ZNF518A: variants seen among roughly 807,000 people sequenced by gnomAD.
ZNF518A encodes the protein zinc finger protein 518A, also known as zinc finger protein 518.
Under a neutral mutation model 102.7 loss-of-function variants are expected in ZNF518A, and 47 were observed. That is an observed-to-expected ratio of 0.46 (90% CI 0.36 to 0.58). The LOEUF (loss-of-function observed/expected upper bound fraction) is 0.58. ZNF518A is among the 20% of genes least tolerant of loss of function. The pLI is 0.00. For missense variants in ZNF518A, 1,793 were observed against 1,699.8 expected (o/e 1.05, Z -0.96); for synonymous variants, 652 against 594.6 (o/e 1.10, Z -1.40).
intron 1 of ZNF518A, among the ~76,000 whole-genome samples, chr10:96,173,452 G>A: frequency 6.6e-6 from 1 of 151,946 alleles, no homozygotes; most frequent in Non-Finnish European, 1.5e-5. Context: ...CAGTCATTTT[G>A]GGCTGCCATA....
At chr10:96,175,056 G>A (rs782181397) in intron 1 of ZNF518A, among the ~76,000 whole-genome samples, 11 of 152,032 alleles carry the variant, frequency 7.2e-5, no homozygotes, top group Admixed American at 2.0e-4. Flanking sequence ...TATCCTGGCC[G>A]CCTGGTCTCA....
At chr10:96,183,214 T>TAATA (rs1368671592) in intron 1 of ZNF518A, among the ~76,000 whole-genome samples, 5 of 152,200 alleles carry the variant, frequency 3.3e-5, no homozygotes, top group African/African-American at 1.2e-4. Context: ...TTCTCTGTTC[T>TAATA]TTATTAGTCT....
In ZNF518A at chr10:96,160,269, G is replaced by A; in HGVS notation, c.3947G>A (p.Arg1316Lys). ...GTCCGTGAAACATTTGGATTTAGCA[G>A]ACCTAGGCTTTCAAAAGATTCCATC... ...EDVRETFGFS[R>K]PRLSKDSIRT... The change falls in exon 6 of 6, where the codon AGA becomes AAA. Residue 1316 changes from arginine (R) to lysine (K), a missense_variant. Transcript: ENST00000316045. 5.0e-6 allele frequency: 8 copies of A among 1,613,584 alleles called. No individual in the cohort carries two copies. The highest frequency in any genetic ancestry group is 6.8e-6 in the Non-Finnish European group (8 of 1,179,672).
chr10:96,201,070 C>G (rs782620239), intron 1 of ZNF518A: 1 of 1,608,402 alleles, frequency 6.2e-7, no homozygotes, highest in Non-Finnish European at 8.5e-7. Context: ...TGAAAGGGAT[C>G]AGAAAAGTCC....
chr10:96,177,492 G>T (rs1166771050), intron 1 of ZNF518A, among the ~76,000 whole-genome samples: 2 of 152,086 alleles, frequency 1.3e-5, no homozygotes, highest in Non-Finnish European at 2.9e-5. Context: ...ATCATTGAAA[G>T]CAAAAATAAT....
In ZNF518A at chr10:96,156,680, A is replaced by C; in HGVS notation, c.358A>C (p.Ser120Arg). The C allele has an allele frequency of 6.2e-7, 1 of 1,613,766 alleles. No homozygotes were observed. The highest frequency in any genetic ancestry group is 1.1e-5 in the South Asian group (1 of 91,078). The change falls in exon 6 of 6, where the codon AGC becomes CGC. Residue 120 changes from serine (S) to arginine (R), a missense_variant. This residue lies in a region of ZNF518A where 1,741 missense variants were observed against 1,622.6 expected (regional missense o/e 1.07). Coordinates refer to ENST00000316045, the MANE Select transcript of ZNF518A (RefSeq NM_001330736.2). Reference sequence around the variant, plus strand: ...AATGTCTGCAAAAATACTCAATTTCAGCTGTTTAAAATGCCGAGACAACAC... The same window carrying C: ...AATGTCTGCAAAAATACTCAATTTCCGCTGTTTAAAATGCCGAGACAACAC... ...VKMSAKILNF[S>R]CLKCRDNTRY...
chr10:96,185,312 C>G (rs1280529305), intron 1 of ZNF518A, among the ~76,000 whole-genome samples: 2 of 152,204 alleles, frequency 1.3e-5, no homozygotes, highest in African/African-American at 4.8e-5. Context: ...GTCAGTTCAT[C>G]AAAGTCATTC....
chr10:96,142,036 C>T (rs2133319474), intron 3 of ZNF518A, among the ~76,000 whole-genome samples: 1 of 152,278 alleles, frequency 6.6e-6, no homozygotes. Context: ...GCCACCATGC[C>T]CAGCCTACAT....
At position 96,159,168 on chromosome 10, in the gene ZNF518A, G is replaced by T. The variant is rs781925087; in HGVS notation, c.2846G>T (p.Gly949Val). The change falls in exon 6 of 6, where the codon GGG (glycine) becomes GTG (valine). Residue 949 changes from glycine to valine, a missense_variant. This residue lies in a region of ZNF518A where 1,741 missense variants were observed against 1,622.6 expected (regional missense o/e 1.07). Transcript: ENST00000316045. Reference protein sequence around the residue: ...LIPLNITNKPGLPVIPGNALP... With the variant: ...LIPLNITNKPVLPVIPGNALP... ...CCATTGAACATTACTAACAAGCCTG[G>T]GCTACCAGTTATTCCTGGAAATGCA... The T allele has an allele frequency of 1.1e-5, 18 of 1,613,642 alleles. No individual in the cohort carries two copies. The highest frequency in any genetic ancestry group is 1.5e-5 in the Non-Finnish European group (18 of 1,179,704).
intron 1 of ZNF518A, among the ~76,000 whole-genome samples, chr10:96,181,953 T>G (rs935386496): frequency 1.3e-5 from 2 of 152,234 alleles, no homozygotes; most frequent in African/African-American, 4.8e-5. Flanking sequence ...ATGATATTGA[T>G]TCTTCCTCTC....
At chr10:96,184,016 A>G (rs889880249) in intron 1 of ZNF518A, among the ~76,000 whole-genome samples, 1 of 152,180 alleles carries the variant, frequency 6.6e-6, no homozygotes. Flanking sequence ...GTGCATATAG[A>G]TTTAGGATAG....
intron 3 of ZNF518A, among the ~76,000 whole-genome samples, chr10:96,148,856 C>T (rs1347347922): frequency 6.6e-6 from 1 of 152,178 alleles, no homozygotes; most frequent in African/African-American, 2.4e-5. Flanking sequence ...GCTGGGACTA[C>T]AGGCGCCCAC....
chr10:96,173,909 T>C (rs1554891189), intron 1 of ZNF518A, among the ~76,000 whole-genome samples: 1 of 152,198 alleles, frequency 6.6e-6, no homozygotes, highest in East Asian at 1.9e-4. Context: ...ATACAAAGTG[T>C]GTTCTCCAAC....
intron 1 of ZNF518A, among the ~76,000 whole-genome samples, chr10:96,177,984 G>T (rs1166051493): frequency 6.6e-6 from 1 of 152,030 alleles, no homozygotes; most frequent in Admixed American, 6.6e-5. Context: ...AAGTAAAAGC[G>T]ACAGAACTAT....
At chr10:96,137,457 T>G (rs868991022) in intron 3 of ZNF518A, among the ~76,000 whole-genome samples, 6 of 152,216 alleles carry the variant, frequency 3.9e-5, no homozygotes, top group Admixed American at 6.5e-5. Context: ...CTTGTCAGCC[T>G]TTCTCCTCTA....
chr10:96,205,145 A>G (rs1404277037), downstream of ZNF518A: 2 of 161,012 alleles, frequency 1.2e-5, no homozygotes, highest in African/African-American at 4.8e-5. Context: ...TAATAATGTA[A>G]ATCTCACTTG....
At chr10:96,139,992 G>A (rs587757318) in intron 3 of ZNF518A, among the ~76,000 whole-genome samples, 19 of 152,166 alleles carry the variant, frequency 1.2e-4, no homozygotes, top group East Asian at 7.7e-4. Flanking sequence ...CTGAGTAGCC[G>A]GGATTACAGG....
intron 3 of ZNF518A, among the ~76,000 whole-genome samples, chr10:96,141,422 C>T (rs1330950902): frequency 1.3e-5 from 2 of 152,076 alleles, no homozygotes; most frequent in Non-Finnish European, 2.9e-5. Flanking sequence ...AGATGCCATG[C>T]CTGGTGACCG....
At position 96,159,115 on chromosome 10, in the gene ZNF518A, T is replaced by C. The variant is rs782069913; in HGVS notation, c.2793T>C (p.Ile931=). ...ATTCAGAACAAAAAAAAACTATAAT[T>C]GTTCAGACTTCAAAAGGATTCTTAA... The part of the protein sequence containing the change: ...LLNSEQKKTI[I]VQTSKGFLIP... Residue 931 remains isoleucine, a synonymous_variant, in exon 6 of 6, where the codon ATT becomes ATC. Coordinates refer to ENST00000316045, the MANE Select transcript of ZNF518A (RefSeq NM_001330736.2). 6.2e-7 allele frequency: 1 copy of C among 1,611,450 alleles called. No individual in the cohort carries two copies. The highest frequency in any genetic ancestry group is 8.5e-7 in the Non-Finnish European group (1 of 1,179,232).
Sources: gnomAD v4.1 joint callset for allele counts (sites outside exome capture counted in the v4.1 genomes callset) on GRCh38, gnomAD v4.1.1 for gene constraint, gnomAD v4.1.1 regional missense constraint, MANE v1.5 for transcripts, NCBI Gene and HGNC (gene_info 2026-07-23, HGNC 2026-07-21) for gene names.